Variants in PPFIA2 observed in about 807,000 individuals in gnomAD.
PPFIA2 encodes the protein PPFI scaffold protein A2, also known as liprin-alpha-2.
In PPFIA2, 46 loss-of-function variants were observed where a neutral mutation model predicts 175.5. The observed-to-expected ratio is 0.26, with a 90% CI of 0.21 to 0.34. The LOEUF is 0.34. Among genes scored for constraint, PPFIA2 ranks in the 10% least tolerant of loss-of-function variants. The pLI, the probability that PPFIA2 is intolerant of heterozygous loss-of-function variation, is 1.00. For missense variants in PPFIA2, 1,179 were observed against 1,506.1 expected (o/e 0.78, Z 3.60); for synonymous variants, 568 against 511.4 (o/e 1.11, Z -1.49).
At chr12:81,481,907 A>G (rs542883863) in intron 4 of PPFIA2, among the ~76,000 whole-genome samples, 1 of 152,356 alleles carries the variant, frequency 6.6e-6, no homozygotes, top group Non-Finnish European at 1.5e-5. Context: ...TAATTAAACT[A>G]AAGAGCTTCT....
chr12:81,676,965 T>C lies in PPFIA2; in HGVS notation c.250-121A>G, dbSNP rs2072644620. ...AGGGCATGTCAGCTATTTTATTATT[T>C]TTTTGCAATCTTGGACACTGTAGTA... On this transcript the variant is annotated intron_variant, in intron 3 of 32. Coordinates refer to ENST00000549396, the MANE Select transcript of PPFIA2 (RefSeq NM_003625.5). The C allele has an allele frequency of 1.1e-5, 7 of 634,200 alleles. No individual in the cohort carries two copies. The South Asian group carries it at 1.5e-4, about 13-fold the overall frequency. The allele number at this position is 634,200 out of a possible 1,614,324, so 39.3% of individuals were successfully genotyped here.
chr12:81,615,616 G>T (rs1019241170), intron 4 of PPFIA2, among the ~76,000 whole-genome samples: 2 of 152,082 alleles, frequency 1.3e-5, no homozygotes, highest in African/African-American at 4.8e-5. Context: ...TTTCTCAGAG[G>T]TCAACTAAGA....
At chr12:81,552,950 A>G (rs999740313) in intron 4 of PPFIA2, among the ~76,000 whole-genome samples, 2 of 152,072 alleles carry the variant, frequency 1.3e-5, no homozygotes, top group South Asian at 4.1e-4. Flanking sequence ...TTTTTTCCAT[A>G]TAATAAATAG....
In PPFIA2 at chr12:81,294,439, TAGGAAGGAAGGAAGGA is replaced by T. The variant is rs141474237; in HGVS notation, c.2925+380_2925+395del. ...AAGGGAAGGAAGGAAGGAAGGTAGG[TAGGAAGGAAGGAAGGA>T]AGGAAGGAAGGAAGGAAGGAAGGAA... On this transcript the variant is annotated intron_variant, in intron 24 of 32. Transcript: ENST00000549396. 378 of 116,702 alleles carry T rather than the reference TAGGAAGGAAGGAAGGA, an allele frequency of 3.2e-3. 2 individuals carry two copies. The highest frequency in any genetic ancestry group is 7.3e-3 in the African/African-American group (178 of 24,234). The allele number at this position is 116,702 out of a possible 1,614,324, so 7.2% of individuals were successfully genotyped here.
intron 4 of PPFIA2, among the ~76,000 whole-genome samples, chr12:81,666,619 A>G (rs983429284): frequency 2.6e-5 from 4 of 152,078 alleles, no homozygotes; most frequent in African/African-American, 9.6e-5. Flanking sequence ...TGTGGGGTGG[A>G]GAGAGTGGGG....
chr12:81,410,851 G>T (rs1455140969), intron 7 of PPFIA2, among the ~76,000 whole-genome samples: 1 of 152,038 alleles, frequency 6.6e-6, no homozygotes, highest in Non-Finnish European at 1.5e-5. Flanking sequence ...TATGAAAGGG[G>T]TACTCTTTGC....
At chr12:81,486,126 C>A (rs1312827620) in intron 4 of PPFIA2, among the ~76,000 whole-genome samples, 2 of 151,812 alleles carry the variant, frequency 1.3e-5, no homozygotes, top group Admixed American at 6.6e-5. Flanking sequence ...CACTATATTT[C>A]AAGCACTGTT....
At chr12:81,676,034 C>T (rs2153569184) in intron 4 of PPFIA2, among the ~76,000 whole-genome samples, 1 of 152,062 alleles carries the variant, frequency 6.6e-6, no homozygotes, top group South Asian at 2.1e-4. Flanking sequence ...CACCTACATG[C>T]CTATGTGAAG....
At chr12:81,583,392 C>T (rs1038832307) in intron 4 of PPFIA2, among the ~76,000 whole-genome samples, 2 of 151,598 alleles carry the variant, frequency 1.3e-5, no homozygotes, top group African/African-American at 4.8e-5. Flanking sequence ...TTAGTCACTA[C>T]AAGGTTTATG....
intron 4 of PPFIA2, chr12:81,512,484 C>T (rs2061922610): frequency 5.4e-6 from 2 of 367,752 alleles, no homozygotes; most frequent in Admixed American, 5.6e-5. Flanking sequence ...GTTTTTATTG[C>T]ACTTAAAAAT....
chr12:81,289,116 C>A (rs1443217072), intron 24 of PPFIA2, among the ~76,000 whole-genome samples: 1 of 151,802 alleles, frequency 6.6e-6, no homozygotes, highest in Non-Finnish European at 1.5e-5. Context: ...AAGTACCTTT[C>A]TCATAGCTGT....
chr12:81,450,460 C>A (rs2052328272), intron 5 of PPFIA2, among the ~76,000 whole-genome samples: 1 of 152,122 alleles, frequency 6.6e-6, no homozygotes, highest in Admixed American at 6.5e-5. Context: ...CTGTTCGTAT[C>A]CTTCGCCCAC....
At chr12:81,278,826 T>C (rs1334404116) in intron 27 of PPFIA2, among the ~76,000 whole-genome samples, 3 of 152,208 alleles carry the variant, frequency 2.0e-5, no homozygotes, top group Non-Finnish European at 4.4e-5. Flanking sequence ...AGTGATACTT[T>C]ACATGTTTAG....
At chr12:81,388,357 A>G (rs1290183997) in intron 8 of PPFIA2, among the ~76,000 whole-genome samples, 1 of 152,192 alleles carries the variant, frequency 6.6e-6, no homozygotes, top group Non-Finnish European at 1.5e-5. Context: ...AATGAATCAC[A>G]AAAACATTAA....
At chr12:81,621,725 A>G (rs1457929623) in intron 4 of PPFIA2, among the ~76,000 whole-genome samples, 1 of 152,222 alleles carries the variant, frequency 6.6e-6, no homozygotes, top group African/African-American at 2.4e-5. Flanking sequence ...TGAAAGAATC[A>G]GGTTGTCATC....
At chr12:81,509,616 T>G (rs994155569) in intron 4 of PPFIA2, among the ~76,000 whole-genome samples, 1 of 148,076 alleles carries the variant, frequency 6.8e-6, no homozygotes, top group South Asian at 2.2e-4. Flanking sequence ...TTTTTTTTTT[T>G]GCTCTTGATT....
intron 4 of PPFIA2, among the ~76,000 whole-genome samples, chr12:81,621,400 A>G (rs2153480911): frequency 6.6e-6 from 1 of 152,332 alleles, no homozygotes; most frequent in Middle Eastern, 3.4e-3. Context: ...ATTGATTTTT[A>G]TTCTAAGTAA....
chr12:81,682,435 ATG>A (rs779161756), intron 3 of PPFIA2, among the ~76,000 whole-genome samples: 3 of 152,036 alleles, frequency 2.0e-5, no homozygotes, highest in Non-Finnish European at 4.4e-5. Context: ...TAGAAAACTA[ATG>A]CATGCATATT....
intron 21 of PPFIA2, among the ~76,000 whole-genome samples, chr12:81,337,168 T>C (rs1342058766): frequency 6.6e-6 from 1 of 152,168 alleles, no homozygotes; most frequent in Admixed American, 6.6e-5. Context: ...CTTTGTTCTT[T>C]TTCCTGGAAG....
Sources: gnomAD v4.1 joint callset for allele counts (sites outside exome capture counted in the v4.1 genomes callset) on GRCh38, gnomAD v4.1.1 for gene constraint, MANE v1.5 for transcripts, NCBI Gene and HGNC (gene_info 2026-07-23, HGNC 2026-07-21) for gene names.